The following IQSEC1 variants were observed in gnomAD, a reference collection of about 807,000 sequenced individuals.
IQSEC1 encodes IQ motif and Sec7 domain ArfGEF 1.
A neutral mutation model predicts 91.0 loss-of-function variants in IQSEC1; 31 were observed. The ratio of observed to expected loss-of-function variants is 0.34; its 90% CI spans 0.26 to 0.46. The LOEUF is 0.46. IQSEC1 is among the 20% of genes least tolerant of loss of function. IQSEC1 has a pLI of 1.00. For missense variants in IQSEC1, 1,388 were observed against 1,575.6 expected (o/e 0.88, Z 2.02); for synonymous variants, 699 against 662.6 (o/e 1.05, Z -0.84).
At chr3:12,978,478 C>T (rs1157317333) in intron 1 of IQSEC1, among the ~76,000 whole-genome samples, 2 of 152,076 alleles carry the variant, frequency 1.3e-5, no homozygotes, top group African/African-American at 4.8e-5. Context: ...GCGGGCGGAT[C>T]ACATGGTCAG....
At chr3:13,132,025 G>A (rs1706628904) in intron 2 of IQSEC1, among the ~76,000 whole-genome samples, 1 of 152,132 alleles carries the variant, frequency 6.6e-6, no homozygotes. Context: ...TTCTCTTTAT[G>A]TGGGTAATAT....
intron 5 of IQSEC1, 106 bp from the exon 6 acceptor site, chr3:12,920,702 C>T: frequency 1.6e-6 from 2 of 1,213,078 alleles, no homozygotes; most frequent in African/African-American, 1.5e-5. Flanking sequence ...GCTCCTGCTT[C>T]TGGTGAGCGA....
chr3:13,060,334 G>A (rs1705022516), intron 1 of IQSEC1, among the ~76,000 whole-genome samples: 1 of 152,204 alleles, frequency 6.6e-6, no homozygotes, highest in African/African-American at 2.4e-5. Context: ...GTGGGAGTAG[G>A]AAGGCTGAAG....
At chr3:13,110,165 A>G (rs1706219388) in intron 2 of IQSEC1, among the ~76,000 whole-genome samples, 1 of 151,240 alleles carries the variant, frequency 6.6e-6, no homozygotes, top group South Asian at 2.1e-4. Flanking sequence ...TACAGGCGTG[A>G]GCCACGGTAC....
chr3:13,188,690 T>G (rs1693971945), intron 1 of IQSEC1, among the ~76,000 whole-genome samples: 1 of 152,210 alleles, frequency 6.6e-6, no homozygotes, highest in Non-Finnish European at 1.5e-5. Context: ...GTCTCCAGAC[T>G]TGAGCTCAAC....
rs760172305 is a variant in IQSEC1 at position 12,913,556 on chromosome 3, G to A, written c.2191-3C>T. 2 of 1,601,810 alleles carry A rather than the reference G, an allele frequency of 1.2e-6. No homozygotes were observed. The highest frequency in any genetic ancestry group is 1.7e-4 in the Middle Eastern group (1 of 6,010). ...CGACGGTGGGGCAGAGAGAGCACCT[G>A]TGTGGGAAGAGGCTGTCCTGCCACG... On this transcript the variant is annotated splice_polypyrimidine_tract_variant and splice_region_variant and intron_variant, in intron 8 of 13. Transcript: ENST00000613206.
At chr3:13,227,884 G>A (rs757088018) in intron 1 of IQSEC1, among the ~76,000 whole-genome samples, 27 of 152,316 alleles carry the variant, frequency 1.8e-4, no homozygotes, top group Admixed American at 3.3e-4. Flanking sequence ...AAGCCCACAC[G>A]GATGCCGAGG....
intron 1 of IQSEC1, among the ~76,000 whole-genome samples, chr3:13,230,510 T>C (rs1053715618): frequency 1.3e-5 from 2 of 152,264 alleles, no homozygotes; most frequent in Non-Finnish European, 2.9e-5. Context: ...TCCCCAAAAC[T>C]GTTGCCATGA....
chr3:12,919,613 G>A (rs1445147346), intron 6 of IQSEC1, among the ~76,000 whole-genome samples: 1 of 152,234 alleles, frequency 6.6e-6, no homozygotes, highest in African/African-American at 2.4e-5. Flanking sequence ...CTTAGAGCCA[G>A]GCTGTATTCA....
chr3:13,001,180 C>T (rs921773143), intron 1 of IQSEC1, among the ~76,000 whole-genome samples: 2 of 151,888 alleles, frequency 1.3e-5, no homozygotes, highest in Non-Finnish European at 1.5e-5. Context: ...AGGCTGGTCT[C>T]GAACTCCTGG....
chr3:13,046,700 C>T (rs1210938175), intron 1 of IQSEC1, among the ~76,000 whole-genome samples: 1 of 151,888 alleles, frequency 6.6e-6, no homozygotes, highest in Admixed American at 6.6e-5. Context: ...CAGGTCCTTA[C>T]ACAGGGTGCT....
Position 12,937,918 on chromosome 3 carries a change from G to A in IQSEC1, c.319-1221C>T, listed in dbSNP as rs193088106. Among the ~76,000 whole-genome samples, 25 of 152,294 alleles carry A rather than the reference G, an allele frequency of 1.6e-4. No individual in the cohort carries two copies. The East Asian group carries it at 1.7e-3, about 11-fold the overall frequency. The stretch of plus-strand genomic sequence containing the variant: ...ATGGCTCGTCTGGCCTACACAGCTC[G>A]TTCCTGTGAGGGGTGAGCTACATGC... On this transcript the variant is annotated intron_variant, in intron 2 of 13. Transcript: ENST00000613206.
intron 2 of IQSEC1, among the ~76,000 whole-genome samples, chr3:13,138,456 C>A (rs191517094): frequency 6.6e-6 from 1 of 152,056 alleles, no homozygotes; most frequent in African/African-American, 2.4e-5. Flanking sequence ...ACCCCTGCAG[C>A]CTCCCGTCAC....
At chr3:13,011,725 C>G (rs890861428) in intron 1 of IQSEC1, among the ~76,000 whole-genome samples, 1 of 152,264 alleles carries the variant, frequency 6.6e-6, no homozygotes, top group African/African-American at 2.4e-5. Flanking sequence ...TTTCACACCC[C>G]TGTTCTGTAG....
rs184796904 is a variant in IQSEC1 at position 12,983,877 on chromosome 3, A to G, written c.24-42012T>C. On this transcript the variant is annotated intron_variant, in intron 1 of 13. Coordinates refer to ENST00000613206, the MANE Select transcript of IQSEC1 (RefSeq NM_001134382.3). The surrounding 1 kb of genome is among the most constrained non-coding windows in gnomAD (Gnocchi z 4.3). ...TGAAATGAATATGCCCAGCTCATGT[A>G]TGTCCCTGTCCCCAAATCCACATGC... Among the ~76,000 whole-genome samples, 17 of 152,090 alleles carry G rather than the reference A, an allele frequency of 1.1e-4. No homozygotes were observed. Among genetic ancestry groups the G allele is most frequent in the African/African-American group, 4.1e-4 (17 of 41,340 alleles).
chr3:13,184,880 G>T (rs1693904577), intron 1 of IQSEC1, among the ~76,000 whole-genome samples: 1 of 152,184 alleles, frequency 6.6e-6, no homozygotes, highest in Non-Finnish European at 1.5e-5. Context: ...TGGGTGTGGG[G>T]CGTCAGGGGA....
Position 12,908,681 on chromosome 3 carries a change from G to A in IQSEC1, c.2579-156C>T, listed in dbSNP as rs1358010000. Among the ~76,000 whole-genome samples the A allele has an allele frequency of 3.3e-5, 5 of 151,796 alleles. No individual in the cohort carries two copies. The highest frequency in any genetic ancestry group is 9.7e-5 in the African/African-American group (4 of 41,270). On this transcript the variant is annotated intron_variant, in intron 11 of 13. Transcript: ENST00000613206. This position sits in a 1 kb window ranked among gnomAD's most constrained non-coding sequence, Gnocchi z 4.9. ...GGAAAGAGGGTGTGATGGCCACCCT[G>A]GACAAAAGAGCAGAAAGGAGATCCC...
At chr3:13,175,612 G>T (rs192830648) in intron 1 of IQSEC1, among the ~76,000 whole-genome samples, 1 of 152,344 alleles carries the variant, frequency 6.6e-6, no homozygotes. Context: ...TTTGCTTCTT[G>T]TCTCAATCCA....
At chr3:13,226,432 A>T (rs1694755283) in intron 1 of IQSEC1, among the ~76,000 whole-genome samples, 1 of 152,174 alleles carries the variant, frequency 6.6e-6, no homozygotes, top group Non-Finnish European at 1.5e-5. Context: ...AATTGTTCTA[A>T]GCACTGAGGA....
Sources: allele counts gnomAD v4.1 joint callset (sites outside exome capture counted in the v4.1 genomes callset), GRCh38; gene constraint gnomAD v4.1.1; non-coding constraint Gnocchi (gnomAD v3.1); transcripts MANE v1.5; gene names NCBI Gene and HGNC (gene_info 2026-07-23, HGNC 2026-07-21).